ABCF2: variants seen among roughly 807,000 people sequenced by gnomAD.
ABCF2 encodes ATP-binding cassette sub-family F member 2.
A neutral mutation model predicts 76.9 loss-of-function variants in ABCF2; 37 were observed. That is an observed-to-expected ratio of 0.48 (90% CI 0.37 to 0.63). The LOEUF is 0.63. Among genes scored for constraint, ABCF2 ranks in the 30% least tolerant of loss-of-function variants. The pLI, the probability that ABCF2 is intolerant of heterozygous loss-of-function variation, is 0.00. For synonymous variants in ABCF2, 299 were observed against 283.7 expected (o/e 1.05, Z -0.54); for missense variants, 524 against 782.1 (o/e 0.67, Z 3.94).
chr7:151,225,818 T>C (rs1026813080), intron 2 of ABCF2, among the ~76,000 whole-genome samples: 34 of 152,204 alleles, frequency 2.2e-4, no homozygotes, highest in African/African-American at 6.0e-4. Context: ...TATAGCACCA[T>C]GTCTAGCACT....
chr7:151,225,647 A>G (rs1802357547), intron 2 of ABCF2, among the ~76,000 whole-genome samples: 1 of 152,206 alleles, frequency 6.6e-6, no homozygotes, highest in African/African-American at 2.4e-5. Flanking sequence ...GAGATAATAA[A>G]TAGTCTGGAT....
chr7:151,217,889 CA>C (rs1055573430), intron 11 of ABCF2, among the ~76,000 whole-genome samples, 191 bp downstream of exon 11: 4 of 152,116 alleles, frequency 2.6e-5, no homozygotes, highest in African/African-American at 9.7e-5. Context: ...CCCAGGAAAA[CA>C]GCCCCCAGCC....
rs1584841652 is a variant in ABCF2, at chr7:151,218,950, A to G, written c.1018-77T>C. 6.2e-6 allele frequency: 10 copies of G among 1,608,590 alleles called. No homozygotes were observed. In the East Asian group the frequency reaches 2.2e-4, roughly 36 times the overall value. Reference sequence around the variant, plus strand: ...TCTTCAATCCAGGGTAAAAATGTTGATCGTAACTTCTTCCCGACATCCTCC... The same window carrying G: ...TCTTCAATCCAGGGTAAAAATGTTGGTCGTAACTTCTTCCCGACATCCTCC... On this transcript the variant is annotated intron_variant, in intron 8 of 14. Coordinates refer to ENST00000287844, the MANE Select transcript of ABCF2 (RefSeq NM_007189.3).
At position 151,223,852 on chromosome 7, in the gene ABCF2, G is replaced by A. The variant is rs1229935946; in HGVS notation, c.551-3C>T. The A allele has an allele frequency of 6.2e-7, 1 of 1,611,634 alleles. No homozygotes were observed. Among genetic ancestry groups the A allele is most frequent in the Non-Finnish European group, 8.5e-7 (1 of 1,178,286 alleles). On this transcript the variant is annotated splice_region_variant and splice_polypyrimidine_tract_variant and intron_variant, in intron 4 of 14. Coordinates refer to ENST00000287844, the MANE Select transcript of ABCF2 (RefSeq NM_007189.3). The stretch of plus-strand genomic sequence containing the variant: ...CTCCATGAGCTTCTCACACTCCGCT[G>A]TGGACAGTGTATGGCCATGAGGCTC...
Position 151,219,062 on chromosome 7 carries a change from A to C in ABCF2, c.1017+2T>G, listed in dbSNP as rs1427644920. On this transcript the variant is annotated splice_donor_variant, in intron 8 of 14. Transcript: ENST00000287844. LOFTEE classifies it high-confidence loss of function. The stretch of plus-strand genomic sequence containing the variant: ...ATGAGCCTGACTCTGCAGTCTCCCT[A>C]CCTTCATGTGTGCAATCTGATCTTG... 1 of 1,613,510 alleles carries C rather than the reference A, an allele frequency of 6.2e-7. No individual in the cohort carries two copies. The highest frequency in any genetic ancestry group is 1.3e-5 in the African/African-American group (1 of 74,754).
rs1802091164 is a variant in ABCF2 at position 151,213,599 on chromosome 7, ACGAAGGTCCTGGT to A, written c.*442_*454del. ...AATAATTATTTAAAAACTGACCAGG[ACGAAGGTCCTGGT>A]CCGGAGCTCCAAACCAGAAGCAAAA... is the stretch of plus-strand genomic sequence containing the variant. On this transcript the variant is annotated 3_prime_UTR_variant, in exon 15 of 15. Transcript: ENST00000287844. 1 of 991,536 alleles carries A rather than the reference ACGAAGGTCCTGGT, an allele frequency of 1.0e-6. No homozygotes were observed. Among genetic ancestry groups the A allele is most frequent in the African/African-American group, 1.7e-5 (1 of 57,348 alleles). 61.4% of individuals were successfully genotyped at this position (991,536 alleles called of 1,614,324 possible).
In ABCF2 at chr7:151,224,942, T is replaced by C. The variant is rs202011427; in HGVS notation, c.201A>G (p.Lys67=). The C allele has an allele frequency of 3.1e-6, 5 of 1,614,102 alleles. No homozygotes were observed. The East Asian group carries it at 1.1e-4, about 36-fold the overall frequency. Residue 67 remains lysine (K), a synonymous_variant, in exon 3 of 15, where the codon AAA becomes AAG. Coordinates refer to ENST00000287844, the MANE Select transcript of ABCF2 (RefSeq NM_007189.3). ...TKELEDFEMK[K]AAARAVTGVL... ...CGCCAGTGACAGCTCGAGCAGCAGC[T>C]TTCTTCATCTCAAAGTCCTCTAGCT...
Position 151,224,923 on chromosome 7 carries a change from T to C in ABCF2, c.220A>G (p.Thr74Ala), listed in dbSNP as rs762770394. The C allele has an allele frequency of 1.5e-5, 24 of 1,614,116 alleles. No homozygotes were observed. In the South Asian group the frequency reaches 2.5e-4, roughly 17 times the overall value. Residue 74 changes from threonine (T) to alanine (A), a missense_variant, in exon 3 of 15, where the codon ACT (threonine) becomes GCT (alanine). Physicochemically the swap from Thr to Ala is moderately conservative, Grantham distance 58. Around this residue, in one of 2 missense-constraint regions of ABCF2, gnomAD observed 330 missense variants for 433.6 expected, o/e 0.76. Coordinates refer to ENST00000287844, the MANE Select transcript of ABCF2 (RefSeq NM_007189.3). ...TTGGGGTGAGAGGCCAGGACGCCAG[T>C]GACAGCTCGAGCAGCAGCTTTCTTC... ...EMKKAAARAV[T>A]GVLASHPNST...
chr7:151,220,555 A>G (rs1374566429), intron 7 of ABCF2, among the ~76,000 whole-genome samples: 1 of 152,250 alleles, frequency 6.6e-6, no homozygotes, highest in Admixed American at 6.5e-5. Flanking sequence ...TTAGTTTCTT[A>G]CATGCTTTTT....
chr7:151,226,222 C>T, intron 2 of ABCF2, 83 bp downstream of exon 2: 1 of 1,471,122 alleles, frequency 6.8e-7, no homozygotes, highest in Admixed American at 1.9e-5. Context: ...TCTCCACTAC[C>T]CCCAGCATCA....
rs1433471646 is a variant in ABCF2 at position 151,223,974 on chromosome 7, C to T, written c.508G>A (p.Ala170Thr). The T allele has an allele frequency of 6.2e-7, 1 of 1,614,158 alleles. No homozygotes were observed. The highest frequency in any genetic ancestry group is 1.1e-5 in the South Asian group (1 of 91,086). The change falls in exon 4 of 15, where the codon GCC (alanine) becomes ACC (threonine). Residue 170 changes from alanine to threonine, a missense_variant. By Grantham distance (58) the Ala-to-Thr change is moderately conservative (BLOSUM62 0). Around this residue, in one of 2 missense-constraint regions of ABCF2, gnomAD observed 330 missense variants for 433.6 expected, o/e 0.76. Transcript: ENST00000287844. ...CGCTCTGCCTCTTTCTCCAGCATGG[C>T]CCGCTCTGTGTCGACTTCCATCACA... The part of the protein sequence containing the change: ...HCVMEVDTER[A>T]MLEKEAERLA...
chr7:151,223,630 T>A, intron 5 of ABCF2, 48 bp downstream of exon 5: 1 of 1,540,806 alleles, frequency 6.5e-7, no homozygotes, highest in South Asian at 1.2e-5. Flanking sequence ...CACTAAACAC[T>A]GGAGAGATGG....
Position 151,212,590 on chromosome 7 carries a change from G to C in ABCF2, c.*1464C>G. On this transcript the variant is annotated 3_prime_UTR_variant, in exon 15 of 15. Coordinates refer to ENST00000287844, the MANE Select transcript of ABCF2 (RefSeq NM_007189.3). ...CTGCTCACTGCAGCCTCAACCTCCT[G>C]GGCTCAAGTGAGCCTCCTCTTATCA... 1 of 711,148 alleles carries C rather than the reference G, an allele frequency of 1.4e-6. No individual in the cohort carries two copies. The highest frequency in any genetic ancestry group is 1.7e-6 in the Non-Finnish European group (1 of 579,734). The allele number at this position is 711,148 out of a possible 1,614,324, so 44.1% of individuals were successfully genotyped here. A position where few individuals can be genotyped will look rare whatever the true frequency, so the allele number is the denominator to read the frequency against.
At position 151,211,812 on chromosome 7, in the gene ABCF2, C is replaced by T. The variant is rs1316233481; in HGVS notation, c.*2242G>A. The T allele has an allele frequency of 1.0e-6, 1 of 985,444 alleles. No individual in the cohort carries two copies. Among genetic ancestry groups the T allele is most frequent in the Non-Finnish European group, 1.2e-6 (1 of 829,944 alleles). The allele number at this position is 985,444 out of a possible 1,614,324, so 61.0% of individuals were successfully genotyped here. ...ATTTTGCTCCAGGCCCCACTTAAGG[C>T]ATAAAGCAGTCAAGCCAGTACCCTC... On this transcript the variant is annotated 3_prime_UTR_variant, in exon 15 of 15. Transcript: ENST00000287844.
At chr7:151,223,896 G>A in intron 4 of ABCF2, 36 bp downstream of exon 4, 3 of 1,605,582 alleles carry the variant, frequency 1.9e-6, no homozygotes, top group South Asian at 1.1e-5. Context: ...CTTTCTGGGA[G>A]GACGCCCACC....
At position 151,214,047 on chromosome 7, in the gene ABCF2, A is replaced by G. The variant is rs1802102047; in HGVS notation, c.*7T>C. On this transcript the variant is annotated 3_prime_UTR_variant, in exon 15 of 15. Coordinates refer to ENST00000287844, the MANE Select transcript of ABCF2 (RefSeq NM_007189.3). This position sits in a 1 kb window ranked among gnomAD's most constrained non-coding sequence, Gnocchi z 4.9. ...TGGAGCTCCTGACCCGAACCCAGGT[A>G]GAGGGCTCACACGTTGTGGGTCCTC... is the stretch of plus-strand genomic sequence containing the variant. 8 of 1,613,102 alleles carry G rather than the reference A, an allele frequency of 5.0e-6. No homozygotes were observed. Among genetic ancestry groups the G allele is most frequent in the Non-Finnish European group, 6.8e-6 (8 of 1,179,756 alleles).
In ABCF2 at chr7:151,211,741, C is replaced by T; in HGVS notation, c.*2313G>A. 1 of 985,380 alleles carries T rather than the reference C, an allele frequency of 1.0e-6. No individual in the cohort carries two copies. Among genetic ancestry groups the T allele is most frequent in the Non-Finnish European group, 1.2e-6 (1 of 829,936 alleles). 61.0% of individuals were successfully genotyped at this position (985,380 alleles called of 1,614,324 possible). A position where few individuals can be genotyped will look rare whatever the true frequency, so the allele number is the denominator to read the frequency against. On this transcript the variant is annotated 3_prime_UTR_variant, in exon 15 of 15. Transcript: ENST00000287844. ...CAGCCCACTCTCCAGATGCCATTCT[C>T]CCCTGAACCAAGGCTCTGGACTCTC... is the stretch of plus-strand genomic sequence containing the variant.
intron 2 of ABCF2, among the ~76,000 whole-genome samples, chr7:151,225,319 A>G (rs1447173150): frequency 6.6e-6 from 1 of 152,184 alleles, no homozygotes; most frequent in Non-Finnish European, 1.5e-5. Flanking sequence ...CAACTTGCAG[A>G]CTAATTCTCC....
At chr7:151,226,205 G>T (rs1030336890) in intron 2 of ABCF2, 100 bp downstream of exon 2, 8 of 1,357,594 alleles carry the variant, frequency 5.9e-6, no homozygotes, top group Non-Finnish European at 8.1e-6. Context: ...CATGACACCA[G>T]ATACATTCTC....
Sources: gnomAD v4.1 joint callset for allele counts (sites outside exome capture counted in the v4.1 genomes callset) on GRCh38, gnomAD v4.1.1 for gene constraint, gnomAD v4.1.1 regional missense constraint, Gnocchi (gnomAD v3.1) non-coding constraint, MANE v1.5 for transcripts, NCBI Gene and HGNC (gene_info 2026-07-23, HGNC 2026-07-21) for gene names.